The following OR6C74 variants were observed in gnomAD, a reference collection of about 807,000 sequenced individuals.
OR6C74 encodes olfactory receptor 6C74.
For missense variants in OR6C74, 361 were observed against 362.9 expected (o/e 0.99, Z 0.04); for synonymous variants, 142 against 134.2 (o/e 1.06, Z -0.40).
In OR6C74 at chr12:55,256,435, T is replaced by G. The variant is rs1328291975; in HGVS notation, c.*8209T>G. Among the ~76,000 whole-genome samples the G allele has an allele frequency of 6.6e-6, 1 of 152,148 alleles. No homozygotes were observed. The highest frequency in any genetic ancestry group is 1.5e-5 in the Non-Finnish European group (1 of 67,996). ...CTATGGATTGTTTGTAACCAGCTTTTGCTGCAACTGTTACTGCTGATTAAT... is the reference window on the plus strand; with the variant it reads ...CTATGGATTGTTTGTAACCAGCTTTGGCTGCAACTGTTACTGCTGATTAAT... On this transcript the variant is annotated 3_prime_UTR_variant, in exon 2 of 2. Transcript: ENST00000343399.
In OR6C74 at chr12:55,247,941, T is replaced by A; in HGVS notation, c.654T>A (p.Asn218Lys). The change falls in exon 2 of 2, where the codon AAT becomes AAA. Residue 218 changes from asparagine to lysine, a missense_variant. Coordinates refer to ENST00000343399, the MANE Select transcript of OR6C74 (RefSeq NM_001005490.2). ...TATTAGTGATTCTCTCCTACACAAA[T>A]ATTATCAGGACTATTCTGAAAATAC... ...TLVLVILSYT[N>K]IIRTILKIPS... is the part of the protein sequence containing the mutation. 1 of 1,614,038 alleles carries A rather than the reference T, an allele frequency of 6.2e-7. No homozygotes were observed. The highest frequency in any genetic ancestry group is 1.1e-5 in the South Asian group (1 of 91,076).
rs569454531 is a variant in OR6C74, at chr12:55,247,214, A to G, written c.-9-65A>G. Reference sequence around the variant, plus strand: ...ATGTCTTTATGGTGGATTTCAAGAAAAATGGGTATCTCATGCAGACCTTTC... The same window carrying G: ...ATGTCTTTATGGTGGATTTCAAGAAGAATGGGTATCTCATGCAGACCTTTC... On this transcript the variant is annotated intron_variant, in intron 1 of 1. Coordinates refer to ENST00000343399, the MANE Select transcript of OR6C74 (RefSeq NM_001005490.2). 55 of 872,610 alleles carry G rather than the reference A, an allele frequency of 6.3e-5. No homozygotes were observed. The South Asian group carries it at 9.5e-4, about 15-fold the overall frequency. 54.1% of individuals were successfully genotyped at this position (872,610 alleles called of 1,614,324 possible).
chr12:55,250,209 A>G lies in OR6C74; in HGVS notation c.*1983A>G, dbSNP rs1954303752. 6.6e-6 allele frequency among the ~76,000 whole-genome samples: 1 copy of G among 152,274 alleles called. No homozygotes were observed. The highest frequency in any genetic ancestry group is 1.9e-4 in the East Asian group (1 of 5,180). ...TTGTTGCCAAATGCAAATATGTAAC[A>G]TATTTATTTTATATTTCTAAGTATT... On this transcript the variant is annotated 3_prime_UTR_variant, in exon 2 of 2. Coordinates refer to ENST00000343399, the MANE Select transcript of OR6C74 (RefSeq NM_001005490.2).
intron 1 of OR6C74, 111 bp from the exon 2 acceptor site, chr12:55,247,168 G>T: frequency 1.8e-6 from 1 of 565,912 alleles, no homozygotes; most frequent in Non-Finnish European, 3.1e-6. Flanking sequence ...TGCTGTTAAA[G>T]GAGGTCGGGT....
At chr12:55,245,415 C>T (rs1347656948) in intron 1 of OR6C74, among the ~76,000 whole-genome samples, 1 of 151,928 alleles carries the variant, frequency 6.6e-6, no homozygotes, top group African/African-American at 2.4e-5. Context: ...TTTTCCTGAA[C>T]TTGAAAAAAT....
At position 55,251,676 on chromosome 12, in the gene OR6C74, G is replaced by C. The variant is rs1030498788; in HGVS notation, c.*3450G>C. 2.6e-5 allele frequency among the ~76,000 whole-genome samples: 4 copies of C among 151,802 alleles called. No individual in the cohort carries two copies. The highest frequency in any genetic ancestry group is 5.9e-5 in the Non-Finnish European group (4 of 67,848). On this transcript the variant is annotated 3_prime_UTR_variant, in exon 2 of 2. Transcript: ENST00000343399. ...AAACTACAAGTTTACTATAAATATG[G>C]AGTGTTTATGAGCATTGAAGAGATA...
In OR6C74 at chr12:55,248,129, C is replaced by T. The variant is rs780643708; in HGVS notation, c.842C>T (p.Pro281Leu). ...GIALLSTSVA[P>L]MLNPFIYTLR... is the part of the protein sequence containing the mutation. The stretch of plus-strand genomic sequence containing the variant: ...GCTCTGCTCAGCACTTCTGTTGCCC[C>T]CATGTTGAATCCCTTTATTTATACA... Residue 281 changes from proline to leucine, a missense_variant, in exon 2 of 2, where the codon CCC becomes CTC. Physicochemically the swap from Pro to Leu is moderately conservative, Grantham distance 98 (BLOSUM62 -3). Transcript: ENST00000343399. The T allele has an allele frequency of 1.7e-5, 27 of 1,613,518 alleles. No individual in the cohort carries two copies. The Middle Eastern group carries it at 9.9e-4, about 59-fold the overall frequency.
Position 55,252,744 on chromosome 12 carries a change from T to A in OR6C74, c.*4518T>A, listed in dbSNP as rs1954319305. On this transcript the variant is annotated 3_prime_UTR_variant, in exon 2 of 2. Coordinates refer to ENST00000343399, the MANE Select transcript of OR6C74 (RefSeq NM_001005490.2). ...TATCTTCAAGAAAACATATTACTGATGGAGACCTGTTGTCATAGGGAAGGG... is the reference window on the plus strand; with the variant it reads ...TATCTTCAAGAAAACATATTACTGAAGGAGACCTGTTGTCATAGGGAAGGG... Among the ~76,000 whole-genome samples the A allele has an allele frequency of 6.6e-6, 1 of 151,986 alleles. No individual in the cohort carries two copies. The highest frequency in any genetic ancestry group is 2.4e-5 in the African/African-American group (1 of 41,438).
In OR6C74 at chr12:55,252,411, C is replaced by CT. The variant is rs5798343; in HGVS notation, c.*4195dup. 0.36 allele frequency among the ~76,000 whole-genome samples: 52,793 copies of CT among 148,520 alleles called. 9,613 individuals are homozygous for CT. Among genetic ancestry groups the CT allele is most frequent in the Middle Eastern group, 0.48 (139 of 288 alleles). Reference sequence around the variant, plus strand: ...TATTCTTCAATCCCATTCAAATATGCTTTTTTTTTTGAAATTGACTACATT... The same window carrying CT: ...TATTCTTCAATCCCATTCAAATATGCTTTTTTTTTTTGAAATTGACTACATT... On this transcript the variant is annotated 3_prime_UTR_variant, in exon 2 of 2. Transcript: ENST00000343399.
At position 55,251,301 on chromosome 12, in the gene OR6C74, T is replaced by C. The variant is rs1431867675; in HGVS notation, c.*3075T>C. On this transcript the variant is annotated 3_prime_UTR_variant, in exon 2 of 2. Transcript: ENST00000343399. ...GGAAGGCTGGTCGACAAGTATATGTTAGTCACTTCATACTCAAATTTTGTA... is the reference window on the plus strand; with the variant it reads ...GGAAGGCTGGTCGACAAGTATATGTCAGTCACTTCATACTCAAATTTTGTA... Among the ~76,000 whole-genome samples, 1 of 152,066 alleles carries C rather than the reference T, an allele frequency of 6.6e-6. No individual in the cohort carries two copies. The highest frequency in any genetic ancestry group is 2.4e-5 in the African/African-American group (1 of 41,440).
Position 55,254,419 on chromosome 12 carries a change from A to G in OR6C74, c.*6193A>G, listed in dbSNP as rs1312704734. ...TGTAATTCCCAGTTGGGATCCTTTCAGATTTCCAATCAATTAACTTTCACA... is the reference window on the plus strand; with the variant it reads ...TGTAATTCCCAGTTGGGATCCTTTCGGATTTCCAATCAATTAACTTTCACA... On this transcript the variant is annotated 3_prime_UTR_variant, in exon 2 of 2. Transcript: ENST00000343399. 1.3e-5 allele frequency among the ~76,000 whole-genome samples: 2 copies of G among 152,108 alleles called. No homozygotes were observed. The highest frequency in any genetic ancestry group is 1.3e-4 in the Admixed American group (2 of 15,252).
In OR6C74 at chr12:55,254,070, T is replaced by A. The variant is rs910250202; in HGVS notation, c.*5844T>A. The stretch of plus-strand genomic sequence containing the variant: ...CATACTGACCAATAAGTAACCACAC[T>A]GAATATGCTCATATCAGTTAAGTGC... On this transcript the variant is annotated 3_prime_UTR_variant, in exon 2 of 2. Coordinates refer to ENST00000343399, the MANE Select transcript of OR6C74 (RefSeq NM_001005490.2). Among the ~76,000 whole-genome samples the A allele has an allele frequency of 5.9e-5, 9 of 152,112 alleles. No individual in the cohort carries two copies. Among genetic ancestry groups the A allele is most frequent in the African/African-American group, 1.9e-4 (8 of 41,446 alleles).
At position 55,249,041 on chromosome 12, in the gene OR6C74, G is replaced by A. The variant is rs1314284912; in HGVS notation, c.*815G>A. 6.6e-6 allele frequency among the ~76,000 whole-genome samples: 1 copy of A among 152,096 alleles called. No homozygotes were observed. The highest frequency in any genetic ancestry group is 1.5e-5 in the Non-Finnish European group (1 of 67,996). On this transcript the variant is annotated 3_prime_UTR_variant, in exon 2 of 2. Transcript: ENST00000343399. ...AATGATGCCTTCATGTCCACTCACCGCTTACACATTTTTAGCAAAACGAAG... is the reference window on the plus strand; with the variant it reads ...AATGATGCCTTCATGTCCACTCACCACTTACACATTTTTAGCAAAACGAAG...
chr12:55,248,330 T>C lies in OR6C74; in HGVS notation c.*104T>C. 1 of 700,260 alleles carries C rather than the reference T, an allele frequency of 1.4e-6. No individual in the cohort carries two copies. Among genetic ancestry groups the C allele is most frequent in the East Asian group, 2.7e-5 (1 of 36,614 alleles). The allele number at this position is 700,260 out of a possible 1,614,324, so 43.4% of individuals were successfully genotyped here. Reference sequence around the variant, plus strand: ...TGTATTCAATAATATTACCTCTTTTTTGACTTATAATTTTCATTATGGCCT... The same window carrying C: ...TGTATTCAATAATATTACCTCTTTTCTGACTTATAATTTTCATTATGGCCT... On this transcript the variant is annotated 3_prime_UTR_variant, in exon 2 of 2. Transcript: ENST00000343399.
rs1954277836 is a variant in OR6C74 at position 55,247,413 on chromosome 12, C to T, written c.126C>T (p.Thr42=). Residue 42 remains threonine (T), a synonymous_variant, in exon 2 of 2, where the codon ACC becomes ACT. Coordinates refer to ENST00000343399, the MANE Select transcript of OR6C74 (RefSeq NM_001005490.2). The stretch of plus-strand genomic sequence containing the variant: ...TGTTGAGCATCACTGGGAATCTAAC[C>T]ATCATCACTCTCACCCTACTGGATT... The part of the protein sequence containing the change: ...TYMLSITGNL[T]IITLTLLDLH... 1 of 1,612,836 alleles carries T rather than the reference C, an allele frequency of 6.2e-7. No individual in the cohort carries two copies. Among genetic ancestry groups the T allele is most frequent in the Non-Finnish European group, 8.5e-7 (1 of 1,178,944 alleles).
rs1212382715 is a variant in OR6C74 at position 55,252,116 on chromosome 12, A to G, written c.*3890A>G. The stretch of plus-strand genomic sequence containing the variant: ...TTAATAGAAAAATAGGAATTAATAA[A>G]GGAAATTATACAAAATGATCAATAT... On this transcript the variant is annotated 3_prime_UTR_variant, in exon 2 of 2. Coordinates refer to ENST00000343399, the MANE Select transcript of OR6C74 (RefSeq NM_001005490.2). 2.0e-5 allele frequency among the ~76,000 whole-genome samples: 3 copies of G among 151,626 alleles called. No homozygotes were observed. Among genetic ancestry groups the G allele is most frequent in the Admixed American group, 2.0e-4 (3 of 15,200 alleles).
At position 55,249,002 on chromosome 12, in the gene OR6C74, C is replaced by A; in HGVS notation, c.*776C>A. 6.6e-6 allele frequency among the ~76,000 whole-genome samples: 1 copy of A among 151,792 alleles called. No individual in the cohort carries two copies. The highest frequency in any genetic ancestry group is 1.5e-5 in the Non-Finnish European group (1 of 67,926). On this transcript the variant is annotated 3_prime_UTR_variant, in exon 2 of 2. Transcript: ENST00000343399. ...TGTTGATGACAACAAAAATAAATAC[C>A]CAAGGATGACAAAAATGATGCCTTC...
rs113056148 is a variant in OR6C74 at position 55,251,777 on chromosome 12, A to G, written c.*3551A>G. ...AATTCTGTTTAGTTTTATCCTTTAA[A>G]AATCTTTTGAAGTAAAAGAATAGTC... On this transcript the variant is annotated 3_prime_UTR_variant, in exon 2 of 2. Coordinates refer to ENST00000343399, the MANE Select transcript of OR6C74 (RefSeq NM_001005490.2). 3.6e-3 allele frequency among the ~76,000 whole-genome samples: 547 copies of G among 152,012 alleles called. 3 individuals are homozygous for G. The highest frequency in any genetic ancestry group is 0.012 in the African/African-American group (505 of 41,548).
rs917742349 is a variant in OR6C74, at chr12:55,255,660, T to A, written c.*7434T>A. ...TTCATATCCTTTGCAGGGACATGGATGATGCTGGAAACTATCATTCTCAGC... is the reference window on the plus strand; with the variant it reads ...TTCATATCCTTTGCAGGGACATGGAAGATGCTGGAAACTATCATTCTCAGC... On this transcript the variant is annotated 3_prime_UTR_variant, in exon 2 of 2. Coordinates refer to ENST00000343399, the MANE Select transcript of OR6C74 (RefSeq NM_001005490.2). Among the ~76,000 whole-genome samples, 4 of 152,152 alleles carry A rather than the reference T, an allele frequency of 2.6e-5. No individual in the cohort carries two copies. Among genetic ancestry groups the A allele is most frequent in the African/African-American group, 9.7e-5 (4 of 41,448 alleles).
Sources: allele counts gnomAD v4.1 joint callset (sites outside exome capture counted in the v4.1 genomes callset), GRCh38; gene constraint gnomAD v4.1.1; transcripts MANE v1.5; gene names NCBI Gene and HGNC (gene_info 2026-07-23, HGNC 2026-07-21).